Variants in NDST4 observed in about 807,000 individuals in gnomAD.
NDST4 encodes the protein N-deacetylase and N-sulfotransferase 4.
Under a neutral mutation model 100.8 loss-of-function variants are expected in NDST4, and 63 were observed. The observed-to-expected ratio is 0.62, with a 90% CI of 0.51 to 0.77. NDST4 has a LOEUF of 0.77. NDST4 is among the 30% of genes least tolerant of loss of function. NDST4 has a pLI of 0.00. For synonymous variants in NDST4, 377 were observed against 361.8 expected (o/e 1.04, Z -0.48); for missense variants, 943 against 1,018.4 (o/e 0.93, Z 1.01).
At chr4:115,061,349 A>G (rs1728815335) in intron 2 of NDST4, among the ~76,000 whole-genome samples, 1 of 152,152 alleles carries the variant, frequency 6.6e-6, no homozygotes, top group Admixed American at 6.5e-5. Context: ...CACTATTTAC[A>G]ATAGCAAAGA....
chr4:114,855,709 T>C (rs1723778777), intron 7 of NDST4, among the ~76,000 whole-genome samples: 1 of 152,198 alleles, frequency 6.6e-6, no homozygotes, highest in African/African-American at 2.4e-5. Context: ...AGTAATGTGA[T>C]TCTTCCTATT....
At chr4:115,006,174 A>C (rs188180951) in intron 2 of NDST4, among the ~76,000 whole-genome samples, 2 of 152,222 alleles carry the variant, frequency 1.3e-5, no homozygotes, top group Admixed American at 1.3e-4. Flanking sequence ...CACAAAACAT[A>C]CATTCAGGAA....
At chr4:115,033,159 T>TA (rs1728158585) in intron 2 of NDST4, among the ~76,000 whole-genome samples, 39 of 119,272 alleles carry the variant, frequency 3.3e-4, no homozygotes, top group South Asian at 4.8e-4. Context: ...ATATATATAT[T>TA]TTTTTTTTTT....
intron 10 of NDST4, among the ~76,000 whole-genome samples, chr4:114,844,460 G>A (rs1466734775): frequency 6.6e-6 from 1 of 152,132 alleles, no homozygotes; most frequent in Non-Finnish European, 1.5e-5. Context: ...CTCTTTAAAT[G>A]TGCCATGATT....
At chr4:114,993,829 T>C (rs1727103282) in intron 2 of NDST4, among the ~76,000 whole-genome samples, 1 of 151,948 alleles carries the variant, frequency 6.6e-6, no homozygotes, top group South Asian at 2.1e-4. Flanking sequence ...AAAATAAAAT[T>C]GGGAATTTTG....
chr4:115,043,244 A>T (rs916414678), intron 2 of NDST4, among the ~76,000 whole-genome samples: 3 of 152,138 alleles, frequency 2.0e-5, no homozygotes, highest in African/African-American at 7.2e-5. Flanking sequence ...TTACTGATAC[A>T]TTAGAATATG....
At chr4:114,874,203 C>G (rs1001375414) in intron 6 of NDST4, among the ~76,000 whole-genome samples, 1 of 151,952 alleles carries the variant, frequency 6.6e-6, no homozygotes, top group Non-Finnish European at 1.5e-5. Flanking sequence ...ATTTTTATAT[C>G]ATAAGCAGAT....
At chr4:115,017,767 C>T (rs1370275355) in intron 2 of NDST4, among the ~76,000 whole-genome samples, 1 of 151,928 alleles carries the variant, frequency 6.6e-6, no homozygotes, top group Non-Finnish European at 1.5e-5. Flanking sequence ...ATAAAAATGT[C>T]ATCCAGAAGA....
chr4:115,032,465 G>A (rs1209344932), intron 2 of NDST4, among the ~76,000 whole-genome samples: 1 of 152,014 alleles, frequency 6.6e-6, no homozygotes, highest in African/African-American at 2.4e-5. Flanking sequence ...CATTTGAGAA[G>A]CTTCAGGGTA....
intron 7 of NDST4, among the ~76,000 whole-genome samples, chr4:114,858,194 A>T (rs868332431): frequency 1.3e-5 from 2 of 152,222 alleles, no homozygotes; most frequent in African/African-American, 2.4e-5. Context: ...AAATAGCATT[A>T]TCCTGCCACT....
At chr4:114,854,070 C>G (rs1212924884) in intron 7 of NDST4, among the ~76,000 whole-genome samples, 1 of 152,162 alleles carries the variant, frequency 6.6e-6, no homozygotes, top group Non-Finnish European at 1.5e-5. Flanking sequence ...TTCATTCGAT[C>G]TAACTATATT....
At chr4:114,860,862 C>T (rs549197242) in intron 7 of NDST4, among the ~76,000 whole-genome samples, 25 of 152,254 alleles carry the variant, frequency 1.6e-4, no homozygotes, top group Admixed American at 7.9e-4. Context: ...TCAAAAAGAA[C>T]ATTCTGTTAC....
At chr4:114,933,456 T>TTTTTTTTTTTA (rs1337610741) in intron 6 of NDST4, among the ~76,000 whole-genome samples, 85 of 133,398 alleles carry the variant, frequency 6.4e-4, no homozygotes, top group South Asian at 1.2e-3. Flanking sequence ...TTTTTTTTTG[T>TTTTTTTTTTTA]GTGTAAAAAC....
intron 7 of NDST4, 82 bp from the exon 8 acceptor site, chr4:114,852,903 C>T (rs992293046): frequency 8.7e-6 from 8 of 924,274 alleles, no homozygotes; most frequent in Non-Finnish European, 9.9e-6. Flanking sequence ...AAGATGGAAT[C>T]AAATTCTGGC....
intron 2 of NDST4, among the ~76,000 whole-genome samples, chr4:114,983,961 C>T (rs1183364710): frequency 6.6e-6 from 1 of 152,082 alleles, no homozygotes; most frequent in Non-Finnish European, 1.5e-5. Flanking sequence ...TCCCCTTGCA[C>T]TCTTTATTTC....
chr4:115,018,957 G>T (rs1482056159), intron 2 of NDST4, among the ~76,000 whole-genome samples: 5 of 151,770 alleles, frequency 3.3e-5, no homozygotes, highest in Admixed American at 2.6e-4. Context: ...AATTTTTATA[G>T]GTAATAATTA....
At chr4:114,947,906 C>T (rs1013348109) in intron 4 of NDST4, among the ~76,000 whole-genome samples, 3 of 151,892 alleles carry the variant, frequency 2.0e-5, no homozygotes, top group African/African-American at 4.8e-5. Flanking sequence ...ATGGGATAGC[C>T]GGGGATGCCT....
At chr4:115,019,659 T>G (rs1727765331) in intron 2 of NDST4, among the ~76,000 whole-genome samples, 1 of 152,128 alleles carries the variant, frequency 6.6e-6, no homozygotes, top group African/African-American at 2.4e-5. Flanking sequence ...TGCCCTGGTT[T>G]CAATGGCCCC....
chr4:114,944,497 T>C (rs953243692), intron 4 of NDST4, among the ~76,000 whole-genome samples: 9 of 152,170 alleles, frequency 5.9e-5, no homozygotes, highest in African/African-American at 4.8e-5. Flanking sequence ...ACTTATTCCT[T>C]TGTAAATAGT....
Sources: gnomAD v4.1 joint callset for allele counts (sites outside exome capture counted in the v4.1 genomes callset) on GRCh38, gnomAD v4.1.1 for gene constraint, MANE v1.5 for transcripts, NCBI Gene and HGNC (gene_info 2026-07-23, HGNC 2026-07-21) for gene names.